LAMA4: variants seen among roughly 807,000 people sequenced by gnomAD.
LAMA4 encodes laminin subunit alpha 4.
LAMA4 carries 127 observed loss-of-function variants against 207.1 expected under a neutral mutation model. The observed-to-expected ratio is 0.61, with a 90% CI of 0.53 to 0.71. LAMA4 has a LOEUF of 0.71. LAMA4 is among the 30% of genes least tolerant of loss of function. The probability of loss-of-function intolerance (pLI) is 0.00; values close to 1 mark genes in which losing one functional copy is unlikely to be tolerated. For synonymous variants in LAMA4, 761 were observed against 816.0 expected, an observed-to-expected ratio of 0.93 and a Z score of 1.15; for missense variants, 2,093 against 2,246.5, an observed-to-expected ratio of 0.93 and a Z score of 1.38.
chr6:112,159,501 T>C (rs1554337863), intron 13 of LAMA4: 1 of 153,804 alleles, frequency 6.5e-6, no homozygotes. Context: ...TGCAACTGTG[T>C]AGACGGATGT....
At chr6:112,155,435 C>A in intron 15 of LAMA4, 130 bp downstream of exon 15, 1 of 993,868 alleles carries the variant, frequency 1.0e-6, no homozygotes, top group East Asian at 2.5e-5. Context: ...AATGGTCTTC[C>A]CTTAGTTCCC....
chr6:112,216,704 A>T, intron 2 of LAMA4: 1 of 517,576 alleles, frequency 1.9e-6, no homozygotes, highest in East Asian at 3.5e-5. Context: ...TTCACTTTTC[A>T]GGAGAACAGA....
chr6:112,158,339 T>C (rs1297466459), intron 14 of LAMA4: 8 of 223,886 alleles, frequency 3.6e-5, no homozygotes, highest in Non-Finnish European at 5.3e-5. Context: ...AAATAGGTAA[T>C]GTTAGAATTA....
intron 12 of LAMA4, among the ~76,000 whole-genome samples, chr6:112,171,285 A>G (rs1781695242): frequency 6.6e-6 from 1 of 151,770 alleles, no homozygotes; most frequent in Non-Finnish European, 1.5e-5. Context: ...ATGGCTCACA[A>G]GTTGCAGCGT....
rs587753229 is a variant in LAMA4, at chr6:112,110,930, G to T, written c.5327-1348C>A. Among the ~76,000 whole-genome samples, 14 of 152,324 alleles carry T rather than the reference G, an allele frequency of 9.2e-5. No homozygotes were observed. The East Asian group carries it at 2.7e-3, about 29-fold the overall frequency. ...GAAATTAATGCATAATTTTTAGAGA[G>T]AATGTTTCCCAGGTTGAATGCTTGA... On this transcript the variant is annotated intron_variant, in intron 38 of 38. Transcript: ENST00000230538.
chr6:112,137,606 GCAATTTA>G (rs1359660572), intron 24 of LAMA4, among the ~76,000 whole-genome samples: 1 of 152,170 alleles, frequency 6.6e-6, no homozygotes, highest in Non-Finnish European at 1.5e-5. Context: ...CTAGCCTATT[GCAATTTA>G]TTGCAGTTTA....
chr6:112,109,987 C>G (rs1299251230), intron 38 of LAMA4, among the ~76,000 whole-genome samples: 1 of 152,186 alleles, frequency 6.6e-6, no homozygotes, highest in African/African-American at 2.4e-5. Context: ...TATTTTTGGA[C>G]TTGGTTAATA....
At chr6:112,210,924 A>G (rs574499093) in intron 3 of LAMA4, among the ~76,000 whole-genome samples, 10 of 152,352 alleles carry the variant, frequency 6.6e-5, no homozygotes, top group African/African-American at 2.2e-4. Context: ...TTTTCAGTTT[A>G]AATTTCAAAT....
intron 12 of LAMA4, among the ~76,000 whole-genome samples, chr6:112,169,450 C>T (rs1781587650): frequency 6.6e-6 from 1 of 152,188 alleles, no homozygotes; most frequent in South Asian, 2.1e-4. Flanking sequence ...GAAAGTTGTG[C>T]TGTGGGGCTC....
intron 23 of LAMA4, among the ~76,000 whole-genome samples, chr6:112,139,550 C>A (rs782132240): frequency 6.6e-6 from 1 of 152,206 alleles, no homozygotes; most frequent in Non-Finnish European, 1.5e-5. Context: ...AGGCTGCAAA[C>A]AAGTTGTTTA....
At chr6:112,250,900 C>G (rs1787399501) in intron 2 of LAMA4, among the ~76,000 whole-genome samples, 1 of 152,168 alleles carries the variant, frequency 6.6e-6, no homozygotes, top group African/African-American at 2.4e-5. Flanking sequence ...CTATATTGGT[C>G]AAGAAGAGTT....
chr6:112,223,989 C>T (rs532010136), intron 2 of LAMA4, among the ~76,000 whole-genome samples: 3 of 152,266 alleles, frequency 2.0e-5, no homozygotes, highest in African/African-American at 7.2e-5. Flanking sequence ...GTGTCCTCTG[C>T]CCATCTCAGA....
At chr6:112,199,715 T>A (rs1471699296) in intron 5 of LAMA4, among the ~76,000 whole-genome samples, 2 of 150,930 alleles carry the variant, frequency 1.3e-5, no homozygotes, top group Admixed American at 6.6e-5. Flanking sequence ...TTAATAATCA[T>A]AATAACAATG....
intron 18 of LAMA4, among the ~76,000 whole-genome samples, chr6:112,146,093 C>G (rs1441924555): frequency 6.6e-6 from 1 of 152,076 alleles, no homozygotes; most frequent in Non-Finnish European, 1.5e-5. Flanking sequence ...AGGTTGAGAC[C>G]AGCCTGGCCA....
intron 9 of LAMA4, among the ~76,000 whole-genome samples, chr6:112,183,640 T>G (rs1782495017): frequency 6.6e-6 from 1 of 152,142 alleles, no homozygotes; most frequent in Admixed American, 6.5e-5. Context: ...GATGTTTTCT[T>G]GAAAATTCTT....
chr6:112,175,575 T>C (rs1781977156), intron 10 of LAMA4, 95 bp from the exon 11 acceptor site: 3 of 1,230,282 alleles, frequency 2.4e-6, no homozygotes, highest in Non-Finnish European at 3.6e-6. Context: ...AGGGCAGGGC[T>C]GATCCTGAAA....
At chr6:112,236,790 A>G (rs892060400) in intron 2 of LAMA4, 1 of 152,202 alleles carries the variant, frequency 6.6e-6, no homozygotes, top group African/African-American at 2.4e-5. Flanking sequence ...CATAATGTTC[A>G]TCATGGAAGT....
At chr6:112,124,055 C>A (rs11962711) in intron 31 of LAMA4, among the ~76,000 whole-genome samples, 34,152 of 152,086 alleles carry the variant, frequency 0.22, 4,027 homozygotes, top group East Asian at 0.32. Context: ...TGCTCTATTT[C>A]AATCCCAGTG....
chr6:112,115,040 A>G (rs1777932969), intron 36 of LAMA4, among the ~76,000 whole-genome samples: 1 of 152,230 alleles, frequency 6.6e-6, no homozygotes, highest in Admixed American at 6.5e-5. Flanking sequence ...AGTGTGTTAT[A>G]CAAAGCAGGT....
Sources: gnomAD v4.1 joint callset for allele counts (sites outside exome capture counted in the v4.1 genomes callset) on GRCh38, gnomAD v4.1.1 for gene constraint, MANE v1.5 for transcripts, NCBI Gene and HGNC (gene_info 2026-07-23, HGNC 2026-07-21) for gene names.